SUMF1: variants seen among roughly 807,000 people sequenced by gnomAD.
The protein encoded by SUMF1 is formylglycine-generating enzyme.
SUMF1 carries 48 observed loss-of-function variants against 47.6 expected under a neutral mutation model. That is an observed-to-expected ratio of 1.01 (90% confidence interval 0.80 to 1.28). The LOEUF (loss-of-function observed/expected upper bound fraction) is 1.28, where lower values mean the gene tolerates loss of function less well. SUMF1 is among the 50% of genes most tolerant of loss of function. The probability of loss-of-function intolerance (pLI) is 0.00; values close to 1 mark genes in which losing one functional copy is unlikely to be tolerated. For missense variants in SUMF1, 571 were observed against 485.4 expected, an observed-to-expected ratio of 1.18 and a Z score of -1.66; for synonymous variants, 230 against 192.1, an observed-to-expected ratio of 1.20 and a Z score of -1.63.
rs559629077 is a variant in SUMF1, at chr3:4,353,323, G to A, written c.1014+23007C>T. ...GCTGGAGTACAGTGGCGTGATCTCC[G>A]CTCACTGCAAACTCCGCCTCCCAGG... On this transcript the variant is annotated intron_variant and NMD_transcript_variant, in intron 8 of 12. Transcript: ENST00000448413. Among the ~76,000 whole-genome samples, 9 of 152,224 alleles carry A rather than the reference G, an allele frequency of 5.9e-5. No homozygotes were observed. The East Asian group carries it at 9.7e-4, about 16-fold the overall frequency.
intron 8 of SUMF1, among the ~76,000 whole-genome samples, chr3:4,253,584 T>C (rs1415913237): frequency 6.6e-6 from 1 of 151,672 alleles, no homozygotes; most frequent in Non-Finnish European, 1.5e-5. Context: ...CATGAGACTA[T>C]ATCCCACACC....
chr3:4,303,970 C>T (rs1404840899), intron 8 of SUMF1: 4 of 768,528 alleles, frequency 5.2e-6, no homozygotes, highest in East Asian at 1.7e-4. Context: ...ACGCTGTGGG[C>T]TCTTGGGCGA....
chr3:4,432,213 C>G (rs1212267003), intron 3 of SUMF1, among the ~76,000 whole-genome samples: 1 of 151,306 alleles, frequency 6.6e-6, no homozygotes, highest in Non-Finnish European at 1.5e-5. Flanking sequence ...TTAAGGGCAT[C>G]ACCATCTCCC....
At chr3:4,297,478 G>A (rs547867993) in intron 8 of SUMF1, among the ~76,000 whole-genome samples, 5 of 151,764 alleles carry the variant, frequency 3.3e-5, no homozygotes, top group African/African-American at 4.8e-5. Flanking sequence ...CACAATCATA[G>A]CTAACTGAAG....
intron 8 of SUMF1, among the ~76,000 whole-genome samples, chr3:4,337,224 TCC>T (rs1699173168): frequency 1.3e-4 from 1 of 7,608 alleles, no homozygotes; most frequent in South Asian, 0.016. Context: ...CTTCCTTCCT[TCC>T]TTCCTTACTT....
chr3:4,083,489 G>T (rs1692609592), intron 8 of SUMF1, among the ~76,000 whole-genome samples: 1 of 152,116 alleles, frequency 6.6e-6, no homozygotes, highest in Non-Finnish European at 1.5e-5. Flanking sequence ...ACCCCAGCGT[G>T]ACTATGAAAC....
At chr3:4,206,679 G>T (rs1227440295) in intron 8 of SUMF1, among the ~76,000 whole-genome samples, 2 of 152,116 alleles carry the variant, frequency 1.3e-5, no homozygotes, top group Non-Finnish European at 2.9e-5. Context: ...TCACTCACCT[G>T]ATTCTTTGGT....
intron 3 of SUMF1, among the ~76,000 whole-genome samples, chr3:4,442,101 A>T (rs994316297): frequency 6.6e-6 from 1 of 152,198 alleles, no homozygotes; most frequent in Admixed American, 6.5e-5. Flanking sequence ...GGAAAATCCC[A>T]AAAGAGCCAA....
At chr3:4,101,871 AAG>A (rs1213798333) in intron 8 of SUMF1, among the ~76,000 whole-genome samples, 1 of 152,154 alleles carries the variant, frequency 6.6e-6, no homozygotes, top group African/African-American at 2.4e-5. Flanking sequence ...TTATAAAGGA[AAG>A]AGGTTTAATT....
In SUMF1 at chr3:4,423,279, T is replaced by TACACACACAC. The variant is rs56729932; in HGVS notation, c.520-3143_520-3134dup. 5.9e-3 allele frequency among the ~76,000 whole-genome samples: 873 copies of TACACACACAC among 147,218 alleles called. 6 individuals are homozygous for TACACACACAC. Among genetic ancestry groups the TACACACACAC allele is most frequent in the African/African-American group, 7.1e-3 (280 of 39,508 alleles). On this transcript the variant is annotated intron_variant, in intron 3 of 8. Coordinates refer to ENST00000272902, the MANE Select transcript of SUMF1 (RefSeq NM_182760.4). Reference sequence around the variant, plus strand: ...CAACAAGTGAATAAAGAAACTGTGATACACACACACACACACACACACACA... The same window carrying TACACACACAC: ...CAACAAGTGAATAAAGAAACTGTGATACACACACACACACACACACACACACACACACACA...
intron 1 of SUMF1, among the ~76,000 whole-genome samples, chr3:4,456,738 A>T (rs2079629263): frequency 7.7e-6 from 1 of 130,214 alleles, no homozygotes; most frequent in Non-Finnish European, 1.7e-5. Flanking sequence ...GTGTGTATAT[A>T]TACACACATA....
intron 7 of SUMF1, among the ~76,000 whole-genome samples, chr3:4,392,826 G>A (rs968587267): frequency 6.0e-5 from 9 of 150,764 alleles, no homozygotes; most frequent in Non-Finnish European, 8.9e-5. Flanking sequence ...TGATGTCTCT[G>A]TTCAGATTTT....
At chr3:4,097,332 C>T (rs886229747) in intron 8 of SUMF1, among the ~76,000 whole-genome samples, 9 of 152,142 alleles carry the variant, frequency 5.9e-5, no homozygotes, top group East Asian at 1.9e-4. Flanking sequence ...AGGCAGATCA[C>T]GAATGAGGTC....
At chr3:4,047,022 A>G (rs1357586604) in intron 9 of SUMF1, among the ~76,000 whole-genome samples, 1 of 151,546 alleles carries the variant, frequency 6.6e-6, no homozygotes, top group Non-Finnish European at 1.5e-5. Context: ...TGCCACACCA[A>G]ACTTCAAACA....
chr3:4,376,364 C>T lies in SUMF1; in HGVS notation c.980G>A (p.Arg327Gln), dbSNP rs1273219538. Residue 327 changes from arginine to glutamine, a missense_variant, in exon 8 of 9, where the codon CGA becomes CAA. Transcript: ENST00000272902. ...CATGTAGGATCCACCTTTCTTCACT[C>T]GGTCTTTCCCAGAAGGGGGACCTTT... ...NPKGPPSGKD[R>Q]VKKGGSYMCH... The T allele has an allele frequency of 2.5e-6, 4 of 1,614,150 alleles. No individual in the cohort carries two copies. The highest frequency in any genetic ancestry group is 1.3e-5 in the African/African-American group (1 of 75,060).
At chr3:4,092,138 G>C (rs2125053853) in intron 8 of SUMF1, among the ~76,000 whole-genome samples, 1 of 152,170 alleles carries the variant, frequency 6.6e-6, no homozygotes, top group East Asian at 1.9e-4. Context: ...CTCTCTTAGA[G>C]CTGCTTGGCT....
intron 8 of SUMF1, among the ~76,000 whole-genome samples, chr3:4,326,235 G>A (rs1004213529): frequency 3.3e-5 from 5 of 152,210 alleles, no homozygotes; most frequent in Admixed American, 6.5e-5. Flanking sequence ...GGCCTGATTA[G>A]TTGCATAAAG....
chr3:4,045,550 T>C (rs192479890), intron 9 of SUMF1, among the ~76,000 whole-genome samples: 1 of 152,186 alleles, frequency 6.6e-6, no homozygotes, highest in East Asian at 1.9e-4. Context: ...AAAATAAATG[T>C]AAGGATGTGT....
intron 9 of SUMF1, among the ~76,000 whole-genome samples, chr3:4,042,660 T>C (rs115721123): frequency 2.2e-3 from 335 of 152,306 alleles, no homozygotes; most frequent in African/African-American, 7.3e-3. Flanking sequence ...TGAGTACTCA[T>C]ATGGGCACAG....
Sources: allele counts gnomAD v4.1 joint callset (sites outside exome capture counted in the v4.1 genomes callset), GRCh38; gene constraint gnomAD v4.1.1; transcripts MANE v1.5; gene names NCBI Gene and HGNC (gene_info 2026-07-23, HGNC 2026-07-21).